The following CPA1 variants were observed in gnomAD, a reference collection of about 807,000 sequenced individuals.
CPA1 encodes carboxypeptidase A1 (pancreatic).
In CPA1, 42 loss-of-function variants were observed where a neutral mutation model predicts 48.7. That is an observed-to-expected ratio of 0.86 (90% CI 0.67 to 1.11). The LOEUF is 1.11. CPA1 is among the 50% of genes most tolerant of loss of function. The pLI is 0.00. For synonymous variants in CPA1, 203 were observed against 217.9 expected, an observed-to-expected ratio of 0.93 and a Z score of 0.60; for missense variants, 477 against 544.7, an observed-to-expected ratio of 0.88 and a Z score of 1.24.
In CPA1 at chr7:130,384,614, G is replaced by A. The variant is rs369665148; in HGVS notation, c.775G>A (p.Ala259Thr). The change falls in exon 7 of 10, where the codon GCT becomes ACT. Residue 259 changes from alanine to threonine, a missense_variant. By Grantham distance (58) the Ala-to-Thr change is moderately conservative (BLOSUM62 0). Transcript: ENST00000011292. The part of the protein sequence containing the change: ...IGVDPNRNWD[A>T]GFGLSGASSN... ...CGTGGACCCCAACAGGAACTGGGAC[G>A]CTGGCTTTGGGTGTAAGGCCCAGAG... 4 of 1,613,880 alleles carry A rather than the reference G, an allele frequency of 2.5e-6. No homozygotes were observed. Among genetic ancestry groups the A allele is most frequent in the East Asian group, 2.2e-5 (1 of 44,882 alleles).
intron 4 of CPA1, 55 bp from the exon 5 acceptor site, chr7:130,383,336 A>G: frequency 6.9e-7 from 1 of 1,449,356 alleles, no homozygotes. Context: ...CAGGGCAGCA[A>G]GATGAGGCCT....
Position 130,383,721 on chromosome 7 carries a change from C to T in CPA1, c.623C>T (p.Ala208Val), listed in dbSNP as rs782278873. ...TACGGGCAGGATGCAGCTTTCACCG[C>T]CATTCTCGACACCTTGGACATCTTC... Reference protein sequence around the residue: ...QDYGQDAAFTAILDTLDIFLE... With the variant: ...QDYGQDAAFTVILDTLDIFLE... The change falls in exon 6 of 10, where the codon GCC (alanine) becomes GTC (valine). Residue 208 changes from alanine (A) to valine (V), a missense_variant. By Grantham distance (64) the Ala-to-Val change is moderately conservative. Transcript: ENST00000011292. 10 of 1,614,196 alleles carry T rather than the reference C, an allele frequency of 6.2e-6. No individual in the cohort carries two copies. The highest frequency in any genetic ancestry group is 1.1e-5 in the South Asian group (1 of 91,088).
At chr7:130,383,990 G>A (rs1363295148) in intron 6 of CPA1, 196 bp downstream of exon 6, 1 of 600,780 alleles carries the variant, frequency 1.7e-6, no homozygotes, top group Admixed American at 2.7e-5. Context: ...GGGCTGTCCT[G>A]TGCATCCACG....
At position 130,383,678 on chromosome 7, in the gene CPA1, C is replaced by A. The variant is rs575540876; in HGVS notation, c.586-6C>A. 6.2e-7 allele frequency: 1 copy of A among 1,609,318 alleles called. No homozygotes were observed. The highest frequency in any genetic ancestry group is 2.2e-5 in the East Asian group (1 of 44,864). Reference sequence around the variant, plus strand: ...GCGCTGCCCCTCTGCTCCTCTAACCCCCCAGATCACTCAAGACTACGGGCA... The same window carrying A: ...GCGCTGCCCCTCTGCTCCTCTAACCACCCAGATCACTCAAGACTACGGGCA... On this transcript the variant is annotated splice_polypyrimidine_tract_variant and splice_region_variant and intron_variant, in intron 5 of 9. Coordinates refer to ENST00000011292, the MANE Select transcript of CPA1 (RefSeq NM_001868.4).
chr7:130,384,429 T>A (rs1393133972), intron 6 of CPA1, 107 bp from the exon 7 acceptor site: 1 of 925,580 alleles, frequency 1.1e-6, no homozygotes, highest in East Asian at 2.4e-5. Context: ...CAGGGAGCCC[T>A]CCCCTCAGTC....
chr7:130,384,454 CA>C, intron 6 of CPA1, 81 bp from the exon 7 acceptor site: 2 of 1,202,754 alleles, frequency 1.7e-6, no homozygotes, highest in South Asian at 2.5e-5. Context: ...CTGCTCTCTG[CA>C]GCCTCTGAAC....
intron 4 of CPA1, among the ~76,000 whole-genome samples, chr7:130,382,941 C>T (rs891730800): frequency 3.9e-5 from 6 of 152,030 alleles, no homozygotes; most frequent in Non-Finnish European, 8.8e-5. Flanking sequence ...CTGCGCCTGG[C>T]CAATAATTTT....
chr7:130,384,167 C>T (rs1796442576), intron 6 of CPA1: 2 of 431,454 alleles, frequency 4.6e-6, no homozygotes, highest in African/African-American at 4.0e-5. Context: ...GGTCCTACTT[C>T]TATTTTTACG....
At chr7:130,386,965 C>T (rs1225749439) in intron 9 of CPA1, among the ~76,000 whole-genome samples, 1 of 152,198 alleles carries the variant, frequency 6.6e-6, no homozygotes, top group Non-Finnish European at 1.5e-5. Flanking sequence ...GAGGAGGTGG[C>T]AGCCAGGAGG....
chr7:130,380,966 C>T (rs1796395369), intron 1 of CPA1, 132 bp from the exon 2 acceptor site: 3 of 736,594 alleles, frequency 4.1e-6, no homozygotes, highest in South Asian at 1.5e-5. Context: ...TTGGTGCTGT[C>T]CCCTGCCCAG....
chr7:130,383,516 G>T (rs782805275), intron 5 of CPA1, 24 bp downstream of exon 5: 2 of 1,582,442 alleles, frequency 1.3e-6, no homozygotes, highest in East Asian at 4.5e-5. Context: ...GGTGAGGAGG[G>T]CTCTCACCTG....
chr7:130,384,590 G>C lies in CPA1; in HGVS notation c.751G>C (p.Val251Leu), dbSNP rs782158803. Reference protein sequence around the residue: ...SHTAGSLCIGVDPNRNWDAGF... With the variant: ...SHTAGSLCIGLDPNRNWDAGF... ...CACAGCAGGCTCCCTCTGTATTGGC[G>C]TGGACCCCAACAGGAACTGGGACGC... Residue 251 changes from valine (V) to leucine (L), a missense_variant, in exon 7 of 10, where the codon GTG becomes CTG. Val to Leu is a conservative substitution (Grantham distance 32, BLOSUM62 1). Coordinates refer to ENST00000011292, the MANE Select transcript of CPA1 (RefSeq NM_001868.4). 3 of 1,614,206 alleles carry C rather than the reference G, an allele frequency of 1.9e-6. No individual in the cohort carries two copies. Among genetic ancestry groups the C allele is most frequent in the Non-Finnish European group, 2.5e-6 (3 of 1,180,034 alleles).
chr7:130,386,728 T>C (rs1554412090), intron 9 of CPA1, among the ~76,000 whole-genome samples: 1 of 152,118 alleles, frequency 6.6e-6, no homozygotes, highest in Non-Finnish European at 1.5e-5. Context: ...GATATAGCCA[T>C]GAATGAAATA....
intron 6 of CPA1, chr7:130,384,235 C>A (rs1554411662): frequency 4.1e-6 from 2 of 487,244 alleles, no homozygotes; most frequent in Non-Finnish European, 3.7e-6. Flanking sequence ...GGACACCTCG[C>A]AGCTTCTTCG....
chr7:130,383,461 C>T lies in CPA1; in HGVS notation c.554C>T (p.Thr185Ile), dbSNP rs1554411497. 1 of 1,614,204 alleles carries T rather than the reference C, an allele frequency of 6.2e-7. No individual in the cohort carries two copies. The highest frequency in any genetic ancestry group is 8.5e-7 in the Non-Finnish European group (1 of 1,180,024). ...GGCATCCATTCCCGGGAGTGGGTCA[C>T]CCAGGCCAGTGGGGTCTGGTTTGCA... The part of the protein sequence containing the change: ...DTGIHSREWV[T>I]QASGVWFAKK... Residue 185 changes from threonine to isoleucine, a missense_variant, in exon 5 of 10, where the codon ACC becomes ATC. Transcript: ENST00000011292.
chr7:130,383,149 G>T (rs530634533), intron 4 of CPA1, among the ~76,000 whole-genome samples: 53 of 152,364 alleles, frequency 3.5e-4, no homozygotes, highest in African/African-American at 1.1e-3. Context: ...GGAAGGGCCA[G>T]GGGCCTGGTC....
At position 130,382,170 on chromosome 7, in the gene CPA1, T is replaced by G. The variant is rs149774597; in HGVS notation, c.444T>G (p.Ile148Met). 4 of 1,614,118 alleles carry G rather than the reference T, an allele frequency of 2.5e-6. No homozygotes were observed. The highest frequency in any genetic ancestry group is 2.7e-5 in the African/African-American group (2 of 74,950). ...CGCACCTTGTCAGCAAGATCCAGAT[T>G]GGCAACACCTATGAAGGGCGTCCCA... ...ENPHLVSKIQ[I>M]GNTYEGRPIY... The change falls in exon 4 of 10, where the codon ATT becomes ATG. Residue 148 changes from isoleucine (I) to methionine (M), a missense_variant. Ile to Met is a conservative substitution (Grantham distance 10). Transcript: ENST00000011292.
rs934401285 is a variant in CPA1, at chr7:130,381,772, T to G, written c.290T>G (p.Leu97Arg). Residue 97 changes from leucine (L) to arginine (R), a missense_variant, in exon 3 of 10, where the codon CTG becomes CGG. By Grantham distance (102) the Leu-to-Arg change is moderately radical. Coordinates refer to ENST00000011292, the MANE Select transcript of CPA1 (RefSeq NM_001868.4). ...ATGATCGAGGACGTGCAGTCGCTGC[T>G]GGACGAGGAGCAGGAGCAGATGTTC... Reference protein sequence around the residue: ...ETMIEDVQSLLDEEQEQMFAF... With the variant: ...ETMIEDVQSLRDEEQEQMFAF... 1 of 1,614,192 alleles carries G rather than the reference T, an allele frequency of 6.2e-7. No individual in the cohort carries two copies. Among genetic ancestry groups the G allele is most frequent in the Non-Finnish European group, 8.5e-7 (1 of 1,180,024 alleles).
At position 130,380,556 on chromosome 7, in the gene CPA1, G is replaced by A. The variant is rs782329501; in HGVS notation, c.36G>A (p.Gly12=). ...TGCTGGTGTTGAGTGTCCTGTTGGG[G>A]GCTGTCTTTGGCAAGGAGGACTTTG... ...RGLLVLSVLL[G]AVFGKEDFVG... Residue 12 remains glycine (G), a synonymous_variant, in exon 1 of 10, where the codon GGG becomes GGA. Coordinates refer to ENST00000011292, the MANE Select transcript of CPA1 (RefSeq NM_001868.4). 10 of 1,317,238 alleles carry A rather than the reference G, an allele frequency of 7.6e-6. No individual in the cohort carries two copies. The Middle Eastern group carries it at 1.0e-3, about 134-fold the overall frequency. 81.6% of individuals were successfully genotyped at this position (1,317,238 alleles called of 1,614,324 possible). A position where few individuals can be genotyped will look rare whatever the true frequency, so the allele number is the denominator to read the frequency against.
Sources: gnomAD v4.1 joint callset for allele counts (sites outside exome capture counted in the v4.1 genomes callset) on GRCh38, gnomAD v4.1.1 for gene constraint, MANE v1.5 for transcripts, NCBI Gene and HGNC (gene_info 2026-07-23, HGNC 2026-07-21) for gene names.